SUGCT: variants seen among roughly 807,000 people sequenced by gnomAD.
SUGCT encodes the protein succinyl-CoA:glutarate CoA-transferase.
In SUGCT, 41 loss-of-function variants were observed where a neutral mutation model predicts 55.0. That is an observed-to-expected ratio of 0.74 (90% CI 0.58 to 0.97). The LOEUF is 0.97. SUGCT is among the 50% of genes least tolerant of loss of function. The pLI, the probability that SUGCT is intolerant of heterozygous loss-of-function variation, is 0.00. For missense variants in SUGCT, 568 were observed against 547.8 expected (o/e 1.04, Z -0.37); for synonymous variants, 187 against 200.4 (o/e 0.93, Z 0.56).
chr7:40,677,868 C>G (rs950569714), intron 12 of SUGCT, among the ~76,000 whole-genome samples: 17 of 152,154 alleles, frequency 1.1e-4, no homozygotes, highest in African/African-American at 3.9e-4. Context: ...CAGAAGCAAT[C>G]TTGGGTGATC....
rs1404218911 is a variant in SUGCT at position 40,172,632 on chromosome 7, G to A, written c.101-8315G>A. On this transcript the variant is annotated intron_variant, in intron 1 of 13. Coordinates refer to ENST00000335693, the MANE Select transcript of SUGCT (RefSeq NM_001193313.2). ...ATGGGTCAGAAGGAGATGTAGGGGC[G>A]CACGCATGGGCAACTGTTGAGTAAA... Among the ~76,000 whole-genome samples, 10 of 152,242 alleles carry A rather than the reference G, an allele frequency of 6.6e-5. No individual in the cohort carries two copies. The South Asian group carries it at 1.5e-3, about 22-fold the overall frequency.
At chr7:40,331,297 AT>A (rs554779064) in intron 9 of SUGCT, among the ~76,000 whole-genome samples, 4 of 151,528 alleles carry the variant, frequency 2.6e-5, no homozygotes, top group Admixed American at 6.6e-5. Context: ...TTACTGCTGA[AT>A]TTTTTTTTCC....
intron 3 of SUGCT, among the ~76,000 whole-genome samples, chr7:40,187,440 A>AT (rs1431582970): frequency 6.7e-6 from 1 of 148,856 alleles, no homozygotes; most frequent in East Asian, 2.0e-4. Flanking sequence ...TATAATAATA[A>AT]AAAAAAAAAG....
chr7:40,448,021 T>C (rs1479378553), intron 9 of SUGCT, among the ~76,000 whole-genome samples: 1 of 152,094 alleles, frequency 6.6e-6, no homozygotes, highest in Non-Finnish European at 1.5e-5. Flanking sequence ...GGTTAGAGTG[T>C]CCATCGCTGT....
chr7:41,008,081 A>G, the SUGCT span, among the ~76,000 whole-genome samples: 1 of 152,106 alleles, frequency 6.6e-6, no homozygotes, highest in East Asian at 1.9e-4. Flanking sequence ...CTGGCTGTGG[A>G]GCAATGCTAT....
chr7:40,887,960 T>C, the SUGCT span, among the ~76,000 whole-genome samples: 1 of 151,814 alleles, frequency 6.6e-6, no homozygotes, highest in African/African-American at 2.4e-5. Context: ...AAGGGCTCAC[T>C]ATGGCAGGTG....
chr7:40,486,461 T>C (rs1016050878), intron 11 of SUGCT, among the ~76,000 whole-genome samples: 3 of 152,270 alleles, frequency 2.0e-5, no homozygotes, highest in Non-Finnish European at 2.9e-5. Context: ...TTGTAGTTCC[T>C]ATTCATTTAT....
At chr7:41,024,589 G>A in the SUGCT span, among the ~76,000 whole-genome samples, 11 of 147,554 alleles carry the variant, frequency 7.5e-5, no homozygotes, top group African/African-American at 2.8e-4. Flanking sequence ...GAAAAGACAC[G>A]TAATCTCATT....
At chr7:40,393,251 A>G (rs371306353) in intron 9 of SUGCT, among the ~76,000 whole-genome samples, 1 of 152,330 alleles carries the variant, frequency 6.6e-6, no homozygotes, top group East Asian at 1.9e-4. Flanking sequence ...AATCAGATGT[A>G]TAATGAGAAC....
At chr7:40,444,698 A>C (rs1465165506) in intron 9 of SUGCT, among the ~76,000 whole-genome samples, 1 of 152,098 alleles carries the variant, frequency 6.6e-6, no homozygotes, top group Non-Finnish European at 1.5e-5. Flanking sequence ...CTCTTTTCCT[A>C]ATTGAGTACC....
chr7:40,441,121 A>G (rs535487202), intron 9 of SUGCT, among the ~76,000 whole-genome samples: 3 of 152,206 alleles, frequency 2.0e-5, no homozygotes, highest in Non-Finnish European at 4.4e-5. Context: ...AGCCTAGCAC[A>G]TAGTGAGTTA....
chr7:40,156,135 G>T (rs1379697983), intron 1 of SUGCT, among the ~76,000 whole-genome samples: 1 of 152,110 alleles, frequency 6.6e-6, no homozygotes, highest in Admixed American at 6.6e-5. Flanking sequence ...GGGATTACAG[G>T]TGTGAGCCAC....
the SUGCT span, among the ~76,000 whole-genome samples, chr7:41,006,339 A>T: frequency 6.6e-6 from 1 of 152,200 alleles, no homozygotes; most frequent in Non-Finnish European, 1.5e-5. Context: ...AAACAAAGGC[A>T]CTCTGAGCCA....
intron 12 of SUGCT, among the ~76,000 whole-genome samples, chr7:40,618,682 G>A (rs887781768): frequency 2.5e-4 from 38 of 152,150 alleles, no homozygotes; most frequent in African/African-American, 1.7e-4. Context: ...TAGAAACTTC[G>A]TTCATAAGGC....
chr7:40,809,984 A>T (rs1791318444), intron 13 of SUGCT, among the ~76,000 whole-genome samples: 1 of 152,140 alleles, frequency 6.6e-6, no homozygotes, highest in African/African-American at 2.4e-5. Flanking sequence ...TCTATGTAGT[A>T]TTCCATGGTG....
chr7:40,336,191 A>T (rs1422824080), intron 9 of SUGCT, among the ~76,000 whole-genome samples: 2 of 152,216 alleles, frequency 1.3e-5, no homozygotes, highest in East Asian at 3.9e-4. Context: ...TTCCTCAGGG[A>T]TATTGGTCTA....
the SUGCT span, among the ~76,000 whole-genome samples, chr7:40,905,190 A>T: frequency 2.6e-5 from 4 of 152,314 alleles, 1 homozygote; most frequent in Middle Eastern, 0.01. Flanking sequence ...TTTTTACTTG[A>T]ATCATTTGGT....
intron 12 of SUGCT, among the ~76,000 whole-genome samples, chr7:40,638,949 C>T (rs1172013014): frequency 1.3e-5 from 2 of 152,172 alleles, no homozygotes; most frequent in African/African-American, 4.8e-5. Flanking sequence ...CCTGGCCCTG[C>T]TGAAATCAGA....
At chr7:40,215,133 A>G (rs1355305717) in intron 6 of SUGCT, among the ~76,000 whole-genome samples, 1 of 151,932 alleles carries the variant, frequency 6.6e-6, no homozygotes, top group Non-Finnish European at 1.5e-5. Flanking sequence ...GCCACGTTAT[A>G]CTTTGAACAC....
Sources: allele counts gnomAD v4.1 joint callset (sites outside exome capture counted in the v4.1 genomes callset), GRCh38; gene constraint gnomAD v4.1.1; transcripts MANE v1.5; gene names NCBI Gene and HGNC (gene_info 2026-07-23, HGNC 2026-07-21).